Variants in C8orf34 observed in about 807,000 individuals in gnomAD.
C8orf34 encodes chromosome 8 open reading frame 34.
In C8orf34, 65 loss-of-function variants were observed where a neutral mutation model predicts 68.3. That is an observed-to-expected ratio of 0.95 (90% CI 0.78 to 1.17). The LOEUF (loss-of-function observed/expected upper bound fraction) is 1.17. Ranked by LOEUF, C8orf34 falls within the 50% of genes most tolerant of loss-of-function variation. The pLI, the probability that C8orf34 is intolerant of heterozygous loss-of-function variation, is 0.00. For synonymous variants in C8orf34, 244 were observed against 241.2 expected (o/e 1.01, Z -0.11); for missense variants, 664 against 655.4 (o/e 1.01, Z -0.14).
At chr8:68,593,321 G>A (rs570792331) in intron 7 of C8orf34, among the ~76,000 whole-genome samples, 1 of 152,118 alleles carries the variant, frequency 6.6e-6, no homozygotes, top group East Asian at 1.9e-4. Flanking sequence ...ATATCTATAT[G>A]TGAAAGATTG....
intron 6 of C8orf34, chr8:68,530,630 T>A: frequency 1.6e-6 from 2 of 1,235,712 alleles, no homozygotes; most frequent in Non-Finnish European, 2.1e-6. Flanking sequence ...AGAGGACAGA[T>A]GCCATGGCAA....
chr8:68,742,396 C>T (rs568177183), intron 10 of C8orf34, among the ~76,000 whole-genome samples: 1 of 152,266 alleles, frequency 6.6e-6, no homozygotes, highest in East Asian at 1.9e-4. Context: ...ACCAAACAAA[C>T]AAAACTTGGG....
chr8:68,816,405 A>T (rs978552298), intron 13 of C8orf34, among the ~76,000 whole-genome samples: 1 of 152,150 alleles, frequency 6.6e-6, no homozygotes, highest in Non-Finnish European at 1.5e-5. Flanking sequence ...TATGAACTGG[A>T]TACACAAAGA....
At chr8:68,385,417 A>G (rs953559623) in intron 1 of C8orf34, among the ~76,000 whole-genome samples, 1 of 152,222 alleles carries the variant, frequency 6.6e-6, no homozygotes, top group Non-Finnish European at 1.5e-5. Context: ...TTAGTTTTCA[A>G]CATAGAAAAC....
chr8:68,490,857 T>C (rs1373192635), intron 5 of C8orf34, among the ~76,000 whole-genome samples: 3 of 152,162 alleles, frequency 2.0e-5, no homozygotes, highest in Non-Finnish European at 4.4e-5. Flanking sequence ...TAGCACCCTC[T>C]GGTGACCATG....
At chr8:68,446,179 A>G in intron 2 of C8orf34, 150 bp from the exon 3 acceptor site, 1 of 608,652 alleles carries the variant, frequency 1.6e-6, no homozygotes, top group Non-Finnish European at 2.9e-6. Flanking sequence ...AGATGAAATT[A>G]AACAAGTAAT....
intron 8 of C8orf34, among the ~76,000 whole-genome samples, chr8:68,670,551 C>A (rs1819977121): frequency 6.6e-6 from 1 of 152,160 alleles, no homozygotes; most frequent in Non-Finnish European, 1.5e-5. Flanking sequence ...CTACCCCTCA[C>A]CTTCCTGCCA....
intron 1 of C8orf34, among the ~76,000 whole-genome samples, chr8:68,418,192 G>A (rs1426131762): frequency 1.4e-5 from 2 of 143,248 alleles, no homozygotes; most frequent in Non-Finnish European, 1.5e-5. Context: ...AGGAGATTTT[G>A]GGCTGAGACA....
At chr8:68,807,693 G>A (rs1053251339) in intron 12 of C8orf34, among the ~76,000 whole-genome samples, 17 of 152,068 alleles carry the variant, frequency 1.1e-4, no homozygotes, top group Admixed American at 3.3e-4. Flanking sequence ...ATTAAGTGTT[G>A]AGCATTATAT....
chr8:68,644,443 C>A (rs937356791), intron 8 of C8orf34, among the ~76,000 whole-genome samples: 2 of 152,114 alleles, frequency 1.3e-5, no homozygotes, highest in Admixed American at 6.6e-5. Flanking sequence ...TGATGAAGTT[C>A]TTTTTGGAGA....
At chr8:68,410,600 A>T (rs1244389638) in intron 1 of C8orf34, among the ~76,000 whole-genome samples, 2 of 152,066 alleles carry the variant, frequency 1.3e-5, no homozygotes, top group African/African-American at 4.8e-5. Flanking sequence ...CACAGGTAGA[A>T]AGTCTAAGTG....
At chr8:68,522,386 A>C (rs535083558) in intron 6 of C8orf34, among the ~76,000 whole-genome samples, 30 of 152,322 alleles carry the variant, frequency 2.0e-4, no homozygotes, top group African/African-American at 7.2e-4. Context: ...AGACCATAGG[A>C]GGCAAAGTTA....
chr8:68,721,001 A>G (rs1821656169), intron 9 of C8orf34, among the ~76,000 whole-genome samples: 1 of 151,954 alleles, frequency 6.6e-6, no homozygotes, highest in Admixed American at 6.6e-5. Context: ...GAGACAATTG[A>G]TAGATAAAAG....
intron 7 of C8orf34, among the ~76,000 whole-genome samples, chr8:68,576,141 T>TACACACACACACAC (rs112048534): frequency 2.1e-4 from 32 of 149,228 alleles, no homozygotes; most frequent in African/African-American, 7.9e-4. Flanking sequence ...ATATTCTTTT[T>TACACACACACACAC]ACACACACAC....
At chr8:68,575,975 TTTGC>T (rs1816891832) in intron 7 of C8orf34, among the ~76,000 whole-genome samples, 1 of 149,310 alleles carries the variant, frequency 6.7e-6, no homozygotes. Context: ...TTTTTTTTTT[TTTGC>T]CTTTGCTACT....
intron 5 of C8orf34, among the ~76,000 whole-genome samples, chr8:68,491,354 C>T (rs55775457): frequency 0.018 from 2,703 of 151,986 alleles, 81 homozygotes; most frequent in African/African-American, 0.062. Context: ...CACTTTAAAG[C>T]AACACAAATT....
rs1563445859 is a variant in C8orf34 at position 68,446,430 on chromosome 8, AT to A, written c.580del (p.Ser194LeufsTer14). ...KSKSDLAVSNISPPSPDSKSL... is the reference protein window; with the variant it reads ...KSKSDLAVSNXSPPSPDSKSL... Reference sequence around the variant, plus strand: ...AAAAAGTGACCTTGCTGTGTCTAATATTTCTCCACCATCACCGGACTCCAAA... The same window carrying A: ...AAAAAGTGACCTTGCTGTGTCTAATATTCTCCACCATCACCGGACTCCAAA... On this transcript the variant is annotated frameshift_variant, in exon 3 of 14. Coordinates refer to ENST00000518698, the MANE Select transcript of C8orf34 (RefSeq NM_052958.4). LOFTEE classifies it high-confidence loss of function. 6.2e-7 allele frequency: 1 copy of A among 1,613,156 alleles called. No individual in the cohort carries two copies. Among genetic ancestry groups the A allele is most frequent in the Non-Finnish European group, 8.5e-7 (1 of 1,179,612 alleles).
intron 1 of C8orf34, among the ~76,000 whole-genome samples, chr8:68,389,868 G>T (rs748574543): frequency 1.3e-5 from 2 of 152,090 alleles, no homozygotes; most frequent in Non-Finnish European, 2.9e-5. Flanking sequence ...TTCAAGGACG[G>T]TTTCTTTAGA....
At chr8:68,625,880 A>G (rs1388311888) in intron 7 of C8orf34, among the ~76,000 whole-genome samples, 2 of 152,318 alleles carry the variant, frequency 1.3e-5, no homozygotes, top group East Asian at 1.9e-4. Flanking sequence ...ATGAAACTTA[A>G]TGTCATTTCA....
Sources: allele counts gnomAD v4.1 joint callset (sites outside exome capture counted in the v4.1 genomes callset), GRCh38; gene constraint gnomAD v4.1.1; transcripts MANE v1.5; gene names NCBI Gene and HGNC (gene_info 2026-07-23, HGNC 2026-07-21).